Variants in PROX1 observed in about 807,000 individuals in gnomAD.
PROX1 encodes prospero homeobox protein 1.
PROX1 carries 7 observed loss-of-function variants against 58.8 expected under a neutral mutation model. The observed-to-expected ratio is 0.12, with a 90% CI of 0.07 to 0.22. The LOEUF (loss-of-function observed/expected upper bound fraction) is 0.22. Ranked by LOEUF, PROX1 falls within the 10% of genes least tolerant of loss-of-function variation. The pLI is 1.00. For synonymous variants in PROX1, 350 were observed against 358.3 expected (o/e 0.98, Z 0.26); for missense variants, 675 against 927.8 (o/e 0.73, Z 3.54).
At chr1:214,031,639 G>C (rs773404895) in intron 4 of PROX1, among the ~76,000 whole-genome samples, 18 of 152,334 alleles carry the variant, frequency 1.2e-4, no homozygotes, top group Admixed American at 2.0e-4. Flanking sequence ...TTGTCACTAA[G>C]GGATTTTCTG....
rs1355931480 is a variant in PROX1, at chr1:214,005,944, G to A, written c.1833+672G>A. Among the ~76,000 whole-genome samples the A allele has an allele frequency of 3.8e-5, 5 of 131,578 alleles. No individual in the cohort carries two copies. The South Asian group carries it at 6.5e-4, about 17-fold the overall frequency. The allele number at this position is 131,578 out of a possible 152,430, so 86.3% of individuals were successfully genotyped here. A position where few individuals can be genotyped will look rare whatever the true frequency, so the allele number is the denominator to read the frequency against. ...CCTGGTTCTCTCTGTGTGTGTATGC[G>A]TGTGTGTGTGTGTGTGTGTATGTGT... On this transcript the variant is annotated intron_variant, in intron 3 of 4. Coordinates refer to ENST00000366958, the MANE Select transcript of PROX1 (RefSeq NM_001270616.2).
chr1:214,016,458 T>A (rs1664098444), intron 4 of PROX1, among the ~76,000 whole-genome samples: 1 of 152,150 alleles, frequency 6.6e-6, no homozygotes, highest in Non-Finnish European at 1.5e-5. Flanking sequence ...GGCACATGAG[T>A]GAGAGCCTTT....
intron 4 of PROX1, among the ~76,000 whole-genome samples, chr1:214,021,112 T>C (rs1571833751): frequency 6.6e-6 from 1 of 152,198 alleles, no homozygotes; most frequent in Admixed American, 6.5e-5. Context: ...GAGAGGCTGG[T>C]ACCTGTCATT....
At chr1:214,008,216 T>C (rs530383287) in intron 3 of PROX1, among the ~76,000 whole-genome samples, 104 of 152,226 alleles carry the variant, frequency 6.8e-4, no homozygotes, top group African/African-American at 2.4e-3. Context: ...CACGCCTGGC[T>C]AATTTTTGTA....
At chr1:213,984,959 G>C (rs1405769052), upstream of PROX1, 1 of 152,260 alleles carries the variant, frequency 6.6e-6, no homozygotes, top group African/African-American at 2.4e-5. Flanking sequence ...AACAGGAGGC[G>C]TGAGCATACA....
chr1:214,033,519 A>C lies in PROX1; in HGVS notation c.2029-2130A>C, dbSNP rs565028973. ...AGGCTAAGGCAGGAGAGTCTCATGA[A>C]CCCAGGAGGCAGAGGTTGCAGTGAG... On this transcript the variant is annotated intron_variant, in intron 4 of 4. Transcript: ENST00000366958. Among the ~76,000 whole-genome samples, 5 of 152,254 alleles carry C rather than the reference A, an allele frequency of 3.3e-5. No homozygotes were observed. The East Asian group carries it at 9.6e-4, about 29-fold the overall frequency.
chr1:213,989,085 A>G (rs1403628373), intron 1 of PROX1, among the ~76,000 whole-genome samples: 1 of 151,778 alleles, frequency 6.6e-6, no homozygotes, highest in African/African-American at 2.4e-5. Context: ...TTTGCTTGTC[A>G]TTTGCATACC....
chr1:214,025,582 G>A (rs1001292881), intron 4 of PROX1, among the ~76,000 whole-genome samples: 5 of 151,970 alleles, frequency 3.3e-5, no homozygotes, highest in African/African-American at 9.7e-5. Context: ...GCTGACCACC[G>A]GCTGAAGGTT....
Position 213,996,780 on chromosome 1 carries a change from A to G in PROX1, c.245A>G (p.Asp82Gly). The G allele has an allele frequency of 6.2e-7, 1 of 1,614,224 alleles. No individual in the cohort carries two copies. The highest frequency in any genetic ancestry group is 8.5e-7 in the Non-Finnish European group (1 of 1,180,050). The change falls in exon 2 of 5, where the codon GAT (aspartate) becomes GGT (glycine). Residue 82 changes from aspartate to glycine, a missense_variant. By Grantham distance (94) the Asp-to-Gly change is moderately conservative. This residue lies in a region of PROX1 where 157 missense variants were observed against 197.8 expected (regional missense o/e 0.79). Coordinates refer to ENST00000366958, the MANE Select transcript of PROX1 (RefSeq NM_001270616.2). ...KLLKRANSYE[D>G]AMMPFPGATI... ...CTGAAGAGGGCGAACTCGTATGAAG[A>G]TGCCATGATGCCTTTTCCAGGAGCA...
Position 214,011,625 on chromosome 1 carries a change from G to A in PROX1, c.1938G>A (p.Gly646=), listed in dbSNP as rs1339422381. 1 of 1,613,914 alleles carries A rather than the reference G, an allele frequency of 6.2e-7. No individual in the cohort carries two copies. The highest frequency in any genetic ancestry group is 8.5e-7 in the Non-Finnish European group (1 of 1,179,952). Residue 646 remains glycine, a synonymous_variant, in exon 4 of 5, where the codon GGG becomes GGA. Transcript: ENST00000366958. ...ACGCACGTCAAGCCATCAACGATGG[G>A]GTCACCAGTACTGAAGAGCTGTCTA... The part of the protein sequence containing the change: ...EKYARQAIND[G]VTSTEELSIT...
intron 1 of PROX1, among the ~76,000 whole-genome samples, chr1:213,992,209 T>C (rs1429883303): frequency 6.6e-6 from 1 of 152,164 alleles, no homozygotes; most frequent in East Asian, 1.9e-4. Context: ...TGGGAGAATC[T>C]TAAATGAAAT....
intron 3 of PROX1, among the ~76,000 whole-genome samples, chr1:214,010,157 A>G (rs1663857941): frequency 6.6e-6 from 1 of 152,112 alleles, no homozygotes; most frequent in Non-Finnish European, 1.5e-5. Context: ...TGGATAGGTT[A>G]AGTACATGTT....
rs7541439 is a variant in PROX1 at position 214,021,419 on chromosome 1, G to C, written c.2028+9704G>C. 6.9e-3 allele frequency among the ~76,000 whole-genome samples: 1,044 copies of C among 152,208 alleles called. 17 individuals are homozygous for C. The highest frequency in any genetic ancestry group is 0.024 in the African/African-American group (993 of 41,516). ...TGTCCATATTCTCCATTTCCTTTCTGATTTTACAGACTTTGATCATTACTC... is the reference window on the plus strand; with the variant it reads ...TGTCCATATTCTCCATTTCCTTTCTCATTTTACAGACTTTGATCATTACTC... On this transcript the variant is annotated intron_variant, in intron 4 of 4. Transcript: ENST00000366958.
chr1:214,021,438 A>G (rs1372937629), intron 4 of PROX1, among the ~76,000 whole-genome samples: 1 of 152,146 alleles, frequency 6.6e-6, no homozygotes, highest in Non-Finnish European at 1.5e-5. Flanking sequence ...GACTTTGATC[A>G]TTACTCCCTC....
At position 213,988,353 on chromosome 1, in the gene PROX1, G is replaced by A. The variant is rs140934310; in HGVS notation, c.-198G>A. 8.6e-3 allele frequency: 1,293 copies of A among 150,210 alleles called. 70 individuals are homozygous for A. Among genetic ancestry groups the A allele is most frequent in the Admixed American group, 0.076 (1,147 of 15,070 alleles). 9.3% of individuals were successfully genotyped at this position (150,210 alleles called of 1,614,324 possible). A position where few individuals can be genotyped will look rare whatever the true frequency, so the allele number is the denominator to read the frequency against. ...TGTCCAATTATCATATTCATCACCC[G>A]CAAGATATCACCGTGTGTGCACTCG... On this transcript the variant is annotated 5_prime_UTR_variant, in exon 1 of 5. Transcript: ENST00000366958.
chr1:214,005,484 A>C (rs190880701), intron 3 of PROX1, among the ~76,000 whole-genome samples: 123 of 152,326 alleles, frequency 8.1e-4, no homozygotes, highest in African/African-American at 2.7e-3. Context: ...AATAAGTTGC[A>C]TGGGTTTCCA....
chr1:214,035,506 G>T, intron 4 of PROX1, 143 bp from the exon 5 acceptor site: 1 of 734,762 alleles, frequency 1.4e-6, no homozygotes, highest in Non-Finnish European at 2.1e-6. Context: ...TACATTAAAA[G>T]AATAGAAGCC....
At chr1:214,008,423 C>A (rs60932796) in intron 3 of PROX1, among the ~76,000 whole-genome samples, 7,774 of 89,788 alleles carry the variant, frequency 0.087, 338 homozygotes, top group Admixed American at 0.19. Context: ...ACAACAACAA[C>A]AACAAAAAAA....
chr1:214,021,576 T>C (rs994857860), intron 4 of PROX1, among the ~76,000 whole-genome samples: 2 of 152,266 alleles, frequency 1.3e-5, no homozygotes, highest in African/African-American at 2.4e-5. Context: ...GACTGTGTTT[T>C]TCTGAGGGAC....
Sources: allele counts gnomAD v4.1 joint callset (sites outside exome capture counted in the v4.1 genomes callset), GRCh38; gene constraint gnomAD v4.1.1; regional missense constraint gnomAD v4.1.1; transcripts MANE v1.5; gene names NCBI Gene and HGNC (gene_info 2026-07-23, HGNC 2026-07-21).